NTN1: variants seen among roughly 807,000 people sequenced by gnomAD.
NTN1 encodes netrin 1.
A neutral mutation model predicts 54.2 loss-of-function variants in NTN1; 11 were observed. The observed-to-expected ratio is 0.20, with a 90% CI of 0.13 to 0.34. NTN1 has a LOEUF of 0.34. Ranked by LOEUF, NTN1 falls within the 10% of genes least tolerant of loss-of-function variation. The pLI, the probability that NTN1 is intolerant of heterozygous loss-of-function variation, is 1.00. For missense variants in NTN1, 740 were observed against 893.1 expected (o/e 0.83, Z 2.18); for synonymous variants, 371 against 382.0 (o/e 0.97, Z 0.33).
At chr17:9,018,640 A>AG (rs901240451), upstream of NTN1, among the ~76,000 whole-genome samples, 12 of 151,814 alleles carry the variant, frequency 7.9e-5, no homozygotes, top group Non-Finnish European at 1.6e-4. Context: ...AAAAAAAAAA[A>AG]AAAAGGCTCT....
At chr17:9,125,312 C>T (rs979561978) in intron 2 of NTN1, among the ~76,000 whole-genome samples, 2 of 151,984 alleles carry the variant, frequency 1.3e-5, no homozygotes, top group Non-Finnish European at 2.9e-5. Flanking sequence ...CCGTAACCTC[C>T]GCCTCCCGGG....
chr17:9,095,806 T>C (rs1219440424), intron 2 of NTN1, among the ~76,000 whole-genome samples: 1 of 152,088 alleles, frequency 6.6e-6, no homozygotes, highest in African/African-American at 2.4e-5. Flanking sequence ...CTTTTTCTTT[T>C]TCTTTTTTTT....
At chr17:9,218,959 C>T (rs771992354) in intron 5 of NTN1, among the ~76,000 whole-genome samples, 1 of 152,056 alleles carries the variant, frequency 6.6e-6, no homozygotes, top group Non-Finnish European at 1.5e-5. Flanking sequence ...TGAAGGCCAC[C>T]CCTGCAAGAA....
intron 2 of NTN1, among the ~76,000 whole-genome samples, chr17:9,069,691 G>C (rs1186893553): frequency 1.3e-5 from 2 of 152,202 alleles, no homozygotes; most frequent in East Asian, 1.9e-4. Flanking sequence ...AGGACCAGTA[G>C]GTGGGAGCAC....
chr17:9,047,330 G>A (rs1250004931), intron 2 of NTN1, among the ~76,000 whole-genome samples: 2 of 152,186 alleles, frequency 1.3e-5, no homozygotes, highest in East Asian at 1.9e-4. Context: ...AATTGGAGTC[G>A]ATCCTCTCAA....
chr17:9,143,519 C>G (rs2092304379), intron 2 of NTN1, among the ~76,000 whole-genome samples: 1 of 152,204 alleles, frequency 6.6e-6, no homozygotes, highest in Non-Finnish European at 1.5e-5. Context: ...TCTTCTACCT[C>G]ATGGTCAAAC....
chr17:9,217,572 G>C (rs1032108554), intron 5 of NTN1, among the ~76,000 whole-genome samples: 1 of 152,046 alleles, frequency 6.6e-6, no homozygotes, highest in African/African-American at 2.4e-5. Context: ...TTCCTTATTC[G>C]GGGGCCATTG....
intron 6 of NTN1, among the ~76,000 whole-genome samples, chr17:9,237,262 A>G (rs1282746106): frequency 6.6e-6 from 1 of 152,108 alleles, no homozygotes; most frequent in East Asian, 1.9e-4. Flanking sequence ...GTAGATGGCC[A>G]CCTTCTCGTG....
intron 2 of NTN1, among the ~76,000 whole-genome samples, chr17:9,096,366 C>CCTTTT (rs55880198): frequency 0.011 from 1,011 of 91,472 alleles, 243 homozygotes; most frequent in East Asian, 0.012. Flanking sequence ...TATGGGTAGA[C>CCTTTT]TTTTTTTTTT....
At chr17:9,020,630 G>C (rs1016821281), upstream of NTN1, among the ~76,000 whole-genome samples, 9 of 152,210 alleles carry the variant, frequency 5.9e-5, no homozygotes, top group African/African-American at 1.9e-4. Flanking sequence ...CAACAGCAAA[G>C]CTGCTGTGGA....
chr17:9,179,509 A>T (rs1051179979), intron 3 of NTN1, among the ~76,000 whole-genome samples: 1 of 152,208 alleles, frequency 6.6e-6, no homozygotes, highest in Non-Finnish European at 1.5e-5. Flanking sequence ...TGCCTTCCCG[A>T]GAAGGTATTT....
chr17:9,214,444 A>G (rs1295845988), intron 5 of NTN1, among the ~76,000 whole-genome samples: 1 of 152,144 alleles, frequency 6.6e-6, no homozygotes, highest in Non-Finnish European at 1.5e-5. Flanking sequence ...TACTTTGCTG[A>G]TACTAACATT....
intron 5 of NTN1, among the ~76,000 whole-genome samples, chr17:9,202,458 G>C (rs1408477819): frequency 6.6e-6 from 1 of 152,174 alleles, no homozygotes; most frequent in Non-Finnish European, 1.5e-5. Flanking sequence ...ATTTGAGTCT[G>C]TGGGTACCTG....
At chr17:9,229,092 C>T (rs370447806) in intron 6 of NTN1, among the ~76,000 whole-genome samples, 1 of 2,630 alleles carries the variant, frequency 3.8e-4, no homozygotes, top group Non-Finnish European at 6.9e-4. Context: ...GTGTGTGTGA[C>T]TGAGACTGTG....
intron 6 of NTN1, among the ~76,000 whole-genome samples, chr17:9,226,490 T>C (rs1350035511): frequency 3.3e-5 from 1 of 30,662 alleles, no homozygotes; most frequent in African/African-American, 3.7e-4. Flanking sequence ...GGAGGCGGTC[T>C]CGTGGGGAGG....
intron 2 of NTN1, among the ~76,000 whole-genome samples, chr17:9,104,159 A>G (rs1419240930): frequency 6.6e-6 from 1 of 151,096 alleles, no homozygotes; most frequent in Non-Finnish European, 1.5e-5. Flanking sequence ...AGAGTAGTCC[A>G]GTTCATACAG....
rs1228366549 is a variant in NTN1 at position 9,090,977 on chromosome 17, C to A, written c.1018+67586C>A. Among the ~76,000 whole-genome samples the A allele has an allele frequency of 2.0e-5, 3 of 152,002 alleles. 1 individual carries two copies. Among genetic ancestry groups the A allele is most frequent in the Admixed American group, 2.0e-4 (3 of 15,244 alleles). ...GAAACCCAGGGCGTGTGAAGCCGAC[C>A]AAAGGGAGATGGATTGAAAAACAGC... is the stretch of plus-strand genomic sequence containing the variant. On this transcript the variant is annotated intron_variant, in intron 2 of 6. Coordinates refer to ENST00000173229, the MANE Select transcript of NTN1 (RefSeq NM_004822.3).
chr17:9,164,996 G>A (rs1035905646), intron 3 of NTN1, among the ~76,000 whole-genome samples: 2 of 152,190 alleles, frequency 1.3e-5, no homozygotes, highest in Non-Finnish European at 2.9e-5. Context: ...TGCCCAGAGT[G>A]TTTGTTGTCT....
chr17:9,025,976 C>T (rs1030040562), intron 2 of NTN1, among the ~76,000 whole-genome samples: 2 of 152,066 alleles, frequency 1.3e-5, no homozygotes, highest in African/African-American at 4.8e-5. Context: ...GTCAAGCTAC[C>T]CAGAGTATTT....
Sources: gnomAD v4.1 joint callset for allele counts (sites outside exome capture counted in the v4.1 genomes callset) on GRCh38, gnomAD v4.1.1 for gene constraint, MANE v1.5 for transcripts, NCBI Gene and HGNC (gene_info 2026-07-23, HGNC 2026-07-21) for gene names.